The following SNX29 variants were observed in gnomAD, a reference collection of about 807,000 sequenced individuals.
SNX29 encodes the protein sorting nexin-29.
SNX29 carries 78 observed loss-of-function variants against 102.1 expected under a neutral mutation model. The ratio of observed to expected loss-of-function variants is 0.76; its 90% CI spans 0.64 to 0.92. The LOEUF (loss-of-function observed/expected upper bound fraction) is 0.92, where lower values mean the gene tolerates loss of function less well. Among genes scored for constraint, SNX29 ranks in the 40% least tolerant of loss-of-function variants. The pLI is 0.00. For missense variants in SNX29, 1,280 were observed against 1,061.7 expected (o/e 1.21, Z -2.86); for synonymous variants, 580 against 414.5 (o/e 1.40, Z -4.85).
intron 20 of SNX29, among the ~76,000 whole-genome samples, chr16:12,563,863 C>G (rs1231988952): frequency 6.6e-6 from 1 of 152,244 alleles, no homozygotes; most frequent in Non-Finnish European, 1.5e-5. Context: ...ATAGCCATCT[C>G]TCCCCATCTC....
At chr16:12,440,359 G>A (rs1467313231) in intron 18 of SNX29, among the ~76,000 whole-genome samples, 1 of 152,162 alleles carries the variant, frequency 6.6e-6, no homozygotes, top group Non-Finnish European at 1.5e-5. Context: ...GAGAAACTCT[G>A]TGGCTGTTAG....
intron 17 of SNX29, 55 bp from the exon 18 acceptor site, chr16:12,403,393 T>C: frequency 1.3e-6 from 2 of 1,505,350 alleles, no homozygotes; most frequent in Non-Finnish European, 1.8e-6. Flanking sequence ...TTATTTTTTA[T>C]TTTTTTGTAA....
chr16:11,992,974 C>T (rs1028362241), intron 1 of SNX29, among the ~76,000 whole-genome samples: 1 of 151,884 alleles, frequency 6.6e-6, no homozygotes, highest in African/African-American at 2.4e-5. Context: ...CCAGCCTGAC[C>T]AACATGGCGA....
intron 20 of SNX29, among the ~76,000 whole-genome samples, chr16:12,549,400 C>T (rs1435521133): frequency 2.6e-5 from 4 of 152,224 alleles, no homozygotes; most frequent in African/African-American, 9.6e-5. Context: ...AAGGCTGAGG[C>T]AGGAGAATCT....
intron 11 of SNX29, among the ~76,000 whole-genome samples, chr16:12,094,206 A>G (rs2052676583): frequency 1.3e-5 from 2 of 152,222 alleles, no homozygotes; most frequent in South Asian, 2.1e-4. Flanking sequence ...CTCAGAAGAT[A>G]CACTATGTAA....
chr16:12,513,515 C>T (rs2089728568), intron 19 of SNX29, among the ~76,000 whole-genome samples: 1 of 152,128 alleles, frequency 6.6e-6, no homozygotes, highest in Non-Finnish European at 1.5e-5. Flanking sequence ...CTTCATCTCT[C>T]CCCTCTTCTG....
intron 14 of SNX29, among the ~76,000 whole-genome samples, chr16:12,275,080 C>G (rs2079203762): frequency 6.6e-6 from 1 of 152,114 alleles, no homozygotes; most frequent in Non-Finnish European, 1.5e-5. Context: ...GATGTGATTT[C>G]TAGATGTCTA....
intron 13 of SNX29, among the ~76,000 whole-genome samples, chr16:12,168,299 A>G (rs1271490578): frequency 6.6e-6 from 1 of 152,180 alleles, no homozygotes; most frequent in Non-Finnish European, 1.5e-5. Context: ...GGGGAAGGAA[A>G]GGATGTGCAA....
chr16:12,332,482 C>A (rs187317186), intron 15 of SNX29, among the ~76,000 whole-genome samples: 4 of 151,972 alleles, frequency 2.6e-5, no homozygotes, highest in Non-Finnish European at 4.4e-5. Flanking sequence ...TCTCTTTGTG[C>A]GCCTTTTGCC....
chr16:12,215,776 A>G (rs901435325), intron 14 of SNX29, among the ~76,000 whole-genome samples: 2 of 152,196 alleles, frequency 1.3e-5, no homozygotes, highest in African/African-American at 4.8e-5. Context: ...GTTTTGGGGA[A>G]TGAATTCCTC....
chr16:12,205,614 CTG>C (rs998060696), intron 14 of SNX29, among the ~76,000 whole-genome samples: 4 of 152,244 alleles, frequency 2.6e-5, no homozygotes, highest in Non-Finnish European at 5.9e-5. Context: ...TCCCTGGTCT[CTG>C]TGTGGCTGGT....
intron 3 of SNX29, among the ~76,000 whole-genome samples, chr16:12,025,418 A>G (rs1171934264): frequency 1.3e-5 from 2 of 151,604 alleles, no homozygotes; most frequent in Non-Finnish European, 2.9e-5. Flanking sequence ...GTGGGGGAGT[A>G]TTCTGGGATC....
chr16:12,026,624 A>T (rs1480791390), intron 3 of SNX29, among the ~76,000 whole-genome samples: 2 of 152,176 alleles, frequency 1.3e-5, no homozygotes, highest in Non-Finnish European at 2.9e-5. Flanking sequence ...AATTCAATTA[A>T]ATGCACAGTA....
intron 14 of SNX29, among the ~76,000 whole-genome samples, chr16:12,264,248 T>TAG (rs952014831): frequency 6.6e-6 from 1 of 152,218 alleles, no homozygotes; most frequent in African/African-American, 2.4e-5. Context: ...GCCCCATATC[T>TAG]AACTGCCTGT....
rs2054370357 is a variant in SNX29, at chr16:12,129,692, A to G, written c.1529A>G (p.Asp510Gly). The change falls in exon 13 of 21, where the codon GAC (aspartate) becomes GGC (glycine). Residue 510 changes from aspartate to glycine, a missense_variant. Transcript: ENST00000566228. ...EHSAALRQEVDTLKRKVAEQE... is the reference protein window; with the variant it reads ...EHSAALRQEVGTLKRKVAEQE... ...TCAGCCGCGCTCCGGCAAGAGGTGGACACCTTGAAAAGGAAGGTGGCTGAA... is the reference window on the plus strand; with the variant it reads ...TCAGCCGCGCTCCGGCAAGAGGTGGGCACCTTGAAAAGGAAGGTGGCTGAA... The G allele has an allele frequency of 1.2e-6, 2 of 1,611,180 alleles. No homozygotes were observed. The highest frequency in any genetic ancestry group is 8.5e-7 in the Non-Finnish European group (1 of 1,179,534).
At chr16:12,019,371 A>C (rs757469431) in intron 3 of SNX29, among the ~76,000 whole-genome samples, 3 of 151,296 alleles carry the variant, frequency 2.0e-5, no homozygotes, top group Non-Finnish European at 2.9e-5. Context: ...ATGCCCGGCT[A>C]CTTTTTTGTA....
intron 3 of SNX29, among the ~76,000 whole-genome samples, chr16:12,024,264 G>T (rs1238055780): frequency 6.6e-6 from 1 of 151,956 alleles, no homozygotes. Flanking sequence ...TCAGCCTCCA[G>T]AGTAGCTGGG....
intron 13 of SNX29, among the ~76,000 whole-genome samples, chr16:12,176,243 C>A (rs750988759): frequency 1.3e-5 from 2 of 152,088 alleles, no homozygotes; most frequent in Non-Finnish European, 2.9e-5. Flanking sequence ...TTATGGCAGC[C>A]CTGGCAGACT....
At chr16:12,213,239 A>G (rs1006268900) in intron 14 of SNX29, among the ~76,000 whole-genome samples, 2 of 152,240 alleles carry the variant, frequency 1.3e-5, no homozygotes, top group African/African-American at 4.8e-5. Flanking sequence ...AGGAACAGAA[A>G]AATAGCACAT....
Sources: gnomAD v4.1 joint callset for allele counts (sites outside exome capture counted in the v4.1 genomes callset) on GRCh38, gnomAD v4.1.1 for gene constraint, MANE v1.5 for transcripts, NCBI Gene and HGNC (gene_info 2026-07-23, HGNC 2026-07-21) for gene names.